KAT6A: variants seen among roughly 807,000 people sequenced by gnomAD.
KAT6A encodes the protein lysine acetyltransferase 6A.
In KAT6A, 9 loss-of-function variants were observed where a neutral mutation model predicts 198.4. The observed-to-expected ratio is 0.05, with a 90% CI of 0.03 to 0.08. KAT6A has a LOEUF of 0.08. Ranked by LOEUF, KAT6A falls within the 10% of genes least tolerant of loss-of-function variation. KAT6A has a pLI of 1.00. For missense variants in KAT6A, 2,077 were observed against 2,509.9 expected (o/e 0.83, Z 3.69); for synonymous variants, 890 against 883.0 (o/e 1.01, Z -0.14).
intron 2 of KAT6A, among the ~76,000 whole-genome samples, chr8:42,003,909 C>A (rs1341219551): frequency 6.6e-6 from 1 of 152,120 alleles, no homozygotes; most frequent in African/African-American, 2.4e-5. Flanking sequence ...GAGAGGATAA[C>A]CTTGCCGGTG....
In KAT6A at chr8:41,943,823, T is replaced by C; in HGVS notation, c.2153A>G (p.Lys718Arg). 6.2e-7 allele frequency: 1 copy of C among 1,614,012 alleles called. No individual in the cohort carries two copies. Among genetic ancestry groups the C allele is most frequent in the African/African-American group, 1.3e-5 (1 of 75,008 alleles). The stretch of plus-strand genomic sequence containing the variant: ...GTCTTGAGGGCAGATTCCAGTCAAC[T>C]TGCTTAACTTCTTAATGCTGATCTG... ...DKQISIKKLS[K>R]LTGICPQDIT... The change falls in exon 13 of 17, where the codon AAG (lysine) becomes AGG (arginine). Residue 718 changes from lysine to arginine, a missense_variant. Coordinates refer to ENST00000265713, the MANE Select transcript of KAT6A (RefSeq NM_006766.5).
At chr8:42,008,793 G>T (rs1412939237) in intron 2 of KAT6A, among the ~76,000 whole-genome samples, 1 of 152,052 alleles carries the variant, frequency 6.6e-6, no homozygotes, top group Non-Finnish European at 1.5e-5. Context: ...TGTGCTAGTG[G>T]TTATCATTAC....
intron 2 of KAT6A, among the ~76,000 whole-genome samples, chr8:42,022,187 G>A (rs1247422509): frequency 6.6e-6 from 1 of 151,970 alleles, no homozygotes; most frequent in Non-Finnish European, 1.5e-5. Flanking sequence ...TTCAAATACA[G>A]GTACTACATA....
rs1397786414 is a variant in KAT6A, at chr8:42,049,192, A to G, written c.-215T>C. ...AACCTGTTGATTGAAATGTCTTCCAACTTCCCAATGAATTTCTCAATAGCA... is the reference window on the plus strand; with the variant it reads ...AACCTGTTGATTGAAATGTCTTCCAGCTTCCCAATGAATTTCTCAATAGCA... On this transcript the variant is annotated 5_prime_UTR_variant, in exon 2 of 17. Transcript: ENST00000265713. 9.6e-6 allele frequency: 5 copies of G among 518,750 alleles called. No individual in the cohort carries two copies. The highest frequency in any genetic ancestry group is 1.4e-5 in the Non-Finnish European group (4 of 296,260). The allele number at this position is 518,750 out of a possible 1,614,324, so 32.1% of individuals were successfully genotyped here.
chr8:42,050,981 C>G (rs1490601169), intron 1 of KAT6A, among the ~76,000 whole-genome samples: 2 of 152,168 alleles, frequency 1.3e-5, no homozygotes, highest in African/African-American at 4.8e-5. Flanking sequence ...CACGTCTTCG[C>G]GCTCTCTTTT....
At chr8:42,024,161 T>A (rs1826681681) in intron 2 of KAT6A, among the ~76,000 whole-genome samples, 1 of 152,230 alleles carries the variant, frequency 6.6e-6, no homozygotes, top group South Asian at 2.1e-4. Context: ...TCAAGTATTA[T>A]GTAGTATACA....
chr8:42,005,421 G>A (rs192273456), intron 2 of KAT6A, among the ~76,000 whole-genome samples: 1 of 152,298 alleles, frequency 6.6e-6, no homozygotes. Context: ...AAAAGCCAGT[G>A]TGATAAGGGT....
intron 2 of KAT6A, among the ~76,000 whole-genome samples, chr8:42,004,080 A>C (rs2150904296): frequency 6.6e-6 from 1 of 152,334 alleles, no homozygotes; most frequent in African/African-American, 2.4e-5. Flanking sequence ...ACCTACACAG[A>C]CCATTATCTT....
chr8:41,962,718 T>C (rs906369159), intron 8 of KAT6A, among the ~76,000 whole-genome samples: 2 of 152,044 alleles, frequency 1.3e-5, no homozygotes, highest in Non-Finnish European at 2.9e-5. Flanking sequence ...GTCAAAGTCC[T>C]TACAATGGCC....
chr8:42,021,945 C>T (rs1422866246), intron 2 of KAT6A, among the ~76,000 whole-genome samples: 1 of 152,036 alleles, frequency 6.6e-6, no homozygotes, highest in African/African-American at 2.4e-5. Context: ...CAAAACAAAA[C>T]AAAACTCAGT....
At chr8:42,050,375 T>G (rs1472365813) in intron 1 of KAT6A, among the ~76,000 whole-genome samples, 1 of 152,248 alleles carries the variant, frequency 6.6e-6, no homozygotes, top group African/African-American at 2.4e-5. Flanking sequence ...AAAATAAGTT[T>G]AACTGAAGTG....
Position 41,977,025 on chromosome 8 carries a change from G to A in KAT6A, c.1346C>T (p.Thr449Ile), listed in dbSNP as rs1213079470. Residue 449 changes from threonine (T) to isoleucine (I), a missense_variant, in exon 7 of 17, where the codon ACT becomes ATT. By Grantham distance (89) the Thr-to-Ile change is moderately conservative (BLOSUM62 -1). Around this residue, in one of 13 missense-constraint regions of KAT6A, gnomAD observed 206 missense variants for 214.9 expected, o/e 0.96. Coordinates refer to ENST00000265713, the MANE Select transcript of KAT6A (RefSeq NM_006766.5). The part of the protein sequence containing the change: ...IRKRGNRKSS[T>I]SDWPTDNQDG... ...ACTCTTACCTGTGGGCCAATCTGAA[G>A]TGCTTGATTTCCTGTTGCCCCTCTT... 2 of 1,608,148 alleles carry A rather than the reference G, an allele frequency of 1.2e-6. No homozygotes were observed. The highest frequency in any genetic ancestry group is 1.3e-5 in the African/African-American group (1 of 74,712).
At position 42,049,117 on chromosome 8, in the gene KAT6A, TC is replaced by T; in HGVS notation, c.-141del. 2.4e-6 allele frequency: 2 copies of T among 843,456 alleles called. No individual in the cohort carries two copies. The highest frequency in any genetic ancestry group is 4.9e-5 in the East Asian group (2 of 40,972). The allele number at this position is 843,456 out of a possible 1,614,324, so 52.2% of individuals were successfully genotyped here. ...TGAGTTTTCTGGCCTAAGTCCTTCCTCCTTTCACAAAACAGAATGCCACCCC... is the reference window on the plus strand; with the variant it reads ...TGAGTTTTCTGGCCTAAGTCCTTCCTCTTTCACAAAACAGAATGCCACCCC... On this transcript the variant is annotated 5_prime_UTR_variant, in exon 2 of 17. Transcript: ENST00000265713.
intron 2 of KAT6A, among the ~76,000 whole-genome samples, chr8:42,010,721 T>C (rs1172883531): frequency 2.0e-5 from 3 of 152,206 alleles, no homozygotes; most frequent in Admixed American, 6.5e-5. Context: ...ACAAATCTTA[T>C]GGCCCACACC....
intron 2 of KAT6A, among the ~76,000 whole-genome samples, chr8:42,031,038 A>AAAGG (rs35595569): frequency 6.2e-5 from 7 of 113,376 alleles, no homozygotes; most frequent in Admixed American, 9.2e-5. Context: ...AAAAAAAAAA[A>AAAGG]GGGGGGGGGG....
chr8:41,956,836 G>A (rs1822943270), intron 8 of KAT6A, among the ~76,000 whole-genome samples: 1 of 152,148 alleles, frequency 6.6e-6, no homozygotes, highest in Non-Finnish European at 1.5e-5. Context: ...AACCCAAACA[G>A]AACTTTGTAA....
At chr8:41,955,739 G>A (rs940415156) in intron 8 of KAT6A, among the ~76,000 whole-genome samples, 1 of 152,126 alleles carries the variant, frequency 6.6e-6, no homozygotes, top group African/African-American at 2.4e-5. Flanking sequence ...GATACTTGGT[G>A]ATATAAGATA....
Position 42,048,393 on chromosome 8 carries a change from T to G in KAT6A, c.585A>C (p.Pro195=), listed in dbSNP as rs138758949. The change falls in exon 2 of 17, where the codon CCA becomes CCC. Residue 195 remains proline, a synonymous_variant. Transcript: ENST00000265713. ...CCATTCTTACCTTATCCTTTTCATG[T>G]GGAAGAAGGGACACTGGAGGTAAAC... ...LSCLPPVSLL[P]HEKDKPVAEP... 8.1e-6 allele frequency: 13 copies of G among 1,613,726 alleles called. No individual in the cohort carries two copies. In the African/African-American group the frequency reaches 1.6e-4, roughly 20 times the overall value.
In KAT6A at chr8:41,980,895, T is replaced by C. The variant is rs767477973; in HGVS notation, c.858A>G (p.Arg286=). The change falls in exon 5 of 17, where the codon CGA becomes CGG. Residue 286 remains arginine, a synonymous_variant. Coordinates refer to ENST00000265713, the MANE Select transcript of KAT6A (RefSeq NM_006766.5). The stretch of plus-strand genomic sequence containing the variant: ...GATCACAACACTCCATGTGAAAACC[T>C]CGGTCACATGAATCACAAAAGAGCA... ...DNMLFCDSCD[R]GFHMECCDPP... The C allele has an allele frequency of 1.2e-6, 2 of 1,613,386 alleles. No individual in the cohort carries two copies. The highest frequency in any genetic ancestry group is 1.7e-6 in the Non-Finnish European group (2 of 1,179,584).
Sources: gnomAD v4.1 joint callset for allele counts (sites outside exome capture counted in the v4.1 genomes callset) on GRCh38, gnomAD v4.1.1 for gene constraint, gnomAD v4.1.1 regional missense constraint, MANE v1.5 for transcripts, NCBI Gene and HGNC (gene_info 2026-07-23, HGNC 2026-07-21) for gene names.